The following ANKS1B variants were observed in gnomAD, a reference collection of about 807,000 sequenced individuals.
ANKS1B encodes ankyrin repeat and sterile alpha motif domain-containing protein 1B.
ANKS1B carries 36 observed loss-of-function variants against 148.3 expected under a neutral mutation model. The observed-to-expected ratio is 0.24, with a 90% CI of 0.19 to 0.32. The LOEUF is 0.32. Ranked by LOEUF, ANKS1B falls within the 10% of genes least tolerant of loss-of-function variation. The probability of loss-of-function intolerance (pLI) is 1.00; values close to 1 mark genes in which losing one functional copy is unlikely to be tolerated. For synonymous variants in ANKS1B, 542 were observed against 560.8 expected (o/e 0.97, Z 0.47); for missense variants, 1,157 against 1,542.6 (o/e 0.75, Z 4.19).
At chr12:98,956,779 A>G (rs2099862903) in intron 17 of ANKS1B, among the ~76,000 whole-genome samples, 1 of 152,088 alleles carries the variant, frequency 6.6e-6, no homozygotes, top group Non-Finnish European at 1.5e-5. Context: ...ACAATGCTGC[A>G]TTGTACGCAG....
At chr12:99,196,470 C>G (rs984883041) in intron 14 of ANKS1B, among the ~76,000 whole-genome samples, 56 of 152,244 alleles carry the variant, frequency 3.7e-4, no homozygotes, top group African/African-American at 1.3e-3. Context: ...GTCTTTACTA[C>G]AAGCCATTCT....
chr12:99,186,049 G>A (rs1245871847), intron 14 of ANKS1B, among the ~76,000 whole-genome samples: 1 of 152,176 alleles, frequency 6.6e-6, no homozygotes, highest in African/African-American at 2.4e-5. Context: ...GCTCCAGCTT[G>A]GTTGGGGAAG....
At chr12:99,025,491 G>C (rs1226170857) in intron 17 of ANKS1B, among the ~76,000 whole-genome samples, 1 of 152,156 alleles carries the variant, frequency 6.6e-6, no homozygotes, top group East Asian at 1.9e-4. Flanking sequence ...TGTACAATTG[G>C]GGAACTGGTT....
chr12:99,072,732 C>T (rs1276133714), intron 16 of ANKS1B, among the ~76,000 whole-genome samples: 1 of 152,176 alleles, frequency 6.6e-6, no homozygotes, highest in Non-Finnish European at 1.5e-5. Flanking sequence ...TCACAGATTC[C>T]CATCATTTTC....
chr12:99,299,686 T>A (rs190399588), intron 12 of ANKS1B, among the ~76,000 whole-genome samples: 177 of 152,342 alleles, frequency 1.2e-3, no homozygotes, highest in Admixed American at 2.0e-3. Context: ...GATCACACTC[T>A]GACAATAGAA....
chr12:99,320,312 G>A (rs527483101), intron 12 of ANKS1B, among the ~76,000 whole-genome samples: 2 of 152,290 alleles, frequency 1.3e-5, no homozygotes, highest in East Asian at 1.9e-4. Context: ...TGTTCTCCCC[G>A]TCACTTTCTG....
chr12:99,514,181 C>A (rs868249747), intron 9 of ANKS1B, among the ~76,000 whole-genome samples: 55 of 151,936 alleles, frequency 3.6e-4, no homozygotes, highest in African/African-American at 1.2e-3. Flanking sequence ...TAGCACCTAG[C>A]AAAATTCCAT....
chr12:98,977,100 C>T (rs1313485353), intron 17 of ANKS1B, among the ~76,000 whole-genome samples: 1 of 152,092 alleles, frequency 6.6e-6, no homozygotes, highest in African/African-American at 2.4e-5. Flanking sequence ...ATAATGTTAG[C>T]AAAAGAGACA....
intron 14 of ANKS1B, among the ~76,000 whole-genome samples, chr12:99,205,424 T>C (rs2082544514): frequency 6.6e-6 from 1 of 152,188 alleles, no homozygotes; most frequent in Admixed American, 6.5e-5. Context: ...AAGATCTTTA[T>C]ACTAAATTTT....
chr12:99,979,585 G>A (rs1443533137), intron 1 of ANKS1B, among the ~76,000 whole-genome samples: 1 of 152,056 alleles, frequency 6.6e-6, no homozygotes, highest in Non-Finnish European at 1.5e-5. Context: ...TGCATATCCA[G>A]ACCCAGAAGA....
Position 99,053,230 on chromosome 12 carries a change from G to T in ANKS1B, c.2705C>A (p.Thr902Asn). The change falls in exon 17 of 27, where the codon ACC (threonine) becomes AAC (asparagine). Residue 902 changes from threonine (T) to asparagine (N), a missense_variant. This residue lies in a region of ANKS1B where 258 missense variants were observed against 497.0 expected (regional missense o/e 0.52). Coordinates refer to ENST00000683438, the MANE Select transcript of ANKS1B (RefSeq NM_001352186.2). Reference protein sequence around the residue: ...WLDSIELGDYTKAFLINGYTS... With the variant: ...WLDSIELGDYNKAFLINGYTS... ...GTAGCCATTAATTAGAAAGGCTTTG[G>T]TGTAGTCGCCCAGTTCAATGGAATC... 1.2e-6 allele frequency: 2 copies of T among 1,611,100 alleles called. No homozygotes were observed. The highest frequency in any genetic ancestry group is 8.5e-7 in the Non-Finnish European group (1 of 1,178,676).
At chr12:99,777,936 C>T (rs1053087158) in intron 6 of ANKS1B, among the ~76,000 whole-genome samples, 4 of 151,804 alleles carry the variant, frequency 2.6e-5, no homozygotes, top group South Asian at 4.2e-4. Context: ...CGGTAGCTCA[C>T]GCCTGTAATC....
At chr12:99,549,245 T>C (rs1054740395) in intron 9 of ANKS1B, among the ~76,000 whole-genome samples, 3 of 152,220 alleles carry the variant, frequency 2.0e-5, no homozygotes, top group African/African-American at 4.8e-5. Context: ...AAATAACTTC[T>C]GTAATTCTTT....
At chr12:99,606,664 A>T (rs1386770203) in intron 9 of ANKS1B, among the ~76,000 whole-genome samples, 1 of 152,090 alleles carries the variant, frequency 6.6e-6, no homozygotes, top group East Asian at 1.9e-4. Context: ...GAGTATCTCT[A>T]TTACTTAATT....
chr12:99,525,507 T>C (rs1253151160), intron 9 of ANKS1B, among the ~76,000 whole-genome samples: 1 of 152,114 alleles, frequency 6.6e-6, no homozygotes, highest in African/African-American at 2.4e-5. Context: ...GGTACAATAA[T>C]TGAAAGGCAA....
At chr12:99,399,899 T>A in intron 11 of ANKS1B, 88 bp from the exon 12 acceptor site, 1 of 1,362,050 alleles carries the variant, frequency 7.3e-7, no homozygotes, top group Non-Finnish European at 1.0e-6. Flanking sequence ...AAGTGATAAT[T>A]TTTTTCAGTT....
At chr12:99,196,097 C>T (rs2081352596) in intron 14 of ANKS1B, among the ~76,000 whole-genome samples, 1 of 152,106 alleles carries the variant, frequency 6.6e-6, no homozygotes, top group Admixed American at 6.6e-5. Context: ...GTCAAATTGT[C>T]AACAGTAGTT....
intron 1 of ANKS1B, among the ~76,000 whole-genome samples, chr12:99,912,043 A>T (rs2094020233): frequency 6.6e-6 from 1 of 152,236 alleles, no homozygotes; most frequent in African/African-American, 2.4e-5. Context: ...GCATTCAGTG[A>T]TTCATGAATT....
intron 17 of ANKS1B, among the ~76,000 whole-genome samples, chr12:98,849,295 A>G (rs2099508536): frequency 6.6e-6 from 1 of 151,506 alleles, no homozygotes; most frequent in Non-Finnish European, 1.5e-5. Flanking sequence ...TGATATTTCT[A>G]TTTCATGAGC....
Sources: gnomAD v4.1 joint callset for allele counts (sites outside exome capture counted in the v4.1 genomes callset) on GRCh38, gnomAD v4.1.1 for gene constraint, gnomAD v4.1.1 regional missense constraint, MANE v1.5 for transcripts, NCBI Gene and HGNC (gene_info 2026-07-23, HGNC 2026-07-21) for gene names.